SLC35A1: variants seen among roughly 807,000 people sequenced by gnomAD.
SLC35A1 encodes the protein solute carrier family 35 member A1.
Under a neutral mutation model 40.3 loss-of-function variants are expected in SLC35A1, and 21 were observed. That is an observed-to-expected ratio of 0.52 (90% CI 0.37 to 0.75). The LOEUF (loss-of-function observed/expected upper bound fraction) is 0.75, where lower values mean the gene tolerates loss of function less well. SLC35A1 is among the 30% of genes least tolerant of loss of function. The pLI is 0.00. For synonymous variants in SLC35A1, 146 were observed against 147.3 expected (o/e 0.99, Z 0.06); for missense variants, 297 against 382.1 (o/e 0.78, Z 1.86).
At chr6:87,477,642 C>A in intron 2 of SLC35A1, 103 bp downstream of exon 2, 2 of 1,004,648 alleles carry the variant, frequency 2.0e-6, no homozygotes, top group Non-Finnish European at 3.1e-6. Flanking sequence ...TGCTCTGGGT[C>A]AGTGTTTCTC....
rs1770159990 is a variant in SLC35A1 at position 87,508,607 on chromosome 6, AG to A, written c.751+13del. On this transcript the variant is annotated intron_variant, in intron 6 of 7. Transcript: ENST00000369552. ...TCTGGTTTGTCATCTGTAAGTATCC[AG>A]GAATTAAAGGTTCTTAGTAGATCCT... is the stretch of plus-strand genomic sequence containing the variant. The A allele has an allele frequency of 2.5e-6, 4 of 1,604,234 alleles. No homozygotes were observed. The highest frequency in any genetic ancestry group is 3.4e-6 in the Non-Finnish European group (4 of 1,173,020).
intron 4 of SLC35A1, among the ~76,000 whole-genome samples, chr6:87,504,609 GTC>G (rs1361431630): frequency 6.6e-6 from 1 of 152,188 alleles, no homozygotes; most frequent in East Asian, 1.9e-4. Flanking sequence ...TGGAGCACAT[GTC>G]TCTTAACTGT....
chr6:87,479,801 A>G (rs1325485125), intron 2 of SLC35A1, among the ~76,000 whole-genome samples: 9 of 152,208 alleles, frequency 5.9e-5, no homozygotes, highest in African/African-American at 1.7e-4. Context: ...ATTGTGACCC[A>G]CCAAAATATT....
chr6:87,512,291 A>G lies in SLC35A1; in HGVS notation c.*765A>G, dbSNP rs1444820597. The G allele has an allele frequency of 6.5e-6, 1 of 152,686 alleles. No individual in the cohort carries two copies. The highest frequency in any genetic ancestry group is 2.4e-5 in the African/African-American group (1 of 41,460). The allele number at this position is 152,686 out of a possible 1,614,324, so 9.5% of individuals were successfully genotyped here. Reference sequence around the variant, plus strand: ...AATTTGTGAAATTTCAGTGTTTTCTATAATGTTAATGGGGAAATTCAGCAA... The same window carrying G: ...AATTTGTGAAATTTCAGTGTTTTCTGTAATGTTAATGGGGAAATTCAGCAA... On this transcript the variant is annotated 3_prime_UTR_variant, in exon 8 of 8. Coordinates refer to ENST00000369552, the MANE Select transcript of SLC35A1 (RefSeq NM_006416.5).
At position 87,511,659 on chromosome 6, in the gene SLC35A1, C is replaced by A; in HGVS notation, c.*133C>A. The A allele has an allele frequency of 1.0e-6, 1 of 964,366 alleles. No individual in the cohort carries two copies. Among genetic ancestry groups the A allele is most frequent in the Non-Finnish European group, 1.7e-6 (1 of 600,014 alleles). The allele number at this position is 964,366 out of a possible 1,614,324, so 59.7% of individuals were successfully genotyped here. A position where few individuals can be genotyped will look rare whatever the true frequency, so the allele number is the denominator to read the frequency against. On this transcript the variant is annotated 3_prime_UTR_variant, in exon 8 of 8. Coordinates refer to ENST00000369552, the MANE Select transcript of SLC35A1 (RefSeq NM_006416.5). ...CATGATCAGTGCGGTTATGTGGAAA[C>A]AACAACAAACAAACGAAGCTATCTG...
chr6:87,501,487 G>A (rs887986634), intron 4 of SLC35A1, among the ~76,000 whole-genome samples, 177 bp downstream of exon 4: 1 of 152,088 alleles, frequency 6.6e-6, no homozygotes, highest in Non-Finnish European at 1.5e-5. Flanking sequence ...AATACTTATT[G>A]GTTGTTTCTC....
intron 2 of SLC35A1, among the ~76,000 whole-genome samples, chr6:87,498,773 A>AAAAAC (rs1032391922): frequency 2.6e-5 from 4 of 152,320 alleles, no homozygotes; most frequent in Non-Finnish European, 5.9e-5. Context: ...CCGTCTCAAA[A>AAAAAC]AAAACAAAAC....
chr6:87,475,551 C>T (rs189604652), intron 1 of SLC35A1, among the ~76,000 whole-genome samples: 284 of 152,298 alleles, frequency 1.9e-3, no homozygotes, highest in African/African-American at 6.6e-3. Flanking sequence ...ACTATTTCTT[C>T]TGTTTTACTT....
intron 2 of SLC35A1, among the ~76,000 whole-genome samples, chr6:87,478,312 A>G (rs1352265909): frequency 6.6e-6 from 1 of 152,186 alleles, no homozygotes; most frequent in Non-Finnish European, 1.5e-5. Flanking sequence ...TAACCTCTTT[A>G]AGCTTCAGTT....
intron 2 of SLC35A1, among the ~76,000 whole-genome samples, chr6:87,489,370 ATTAT>A (rs903332399): frequency 6.6e-6 from 1 of 151,838 alleles, no homozygotes; most frequent in African/African-American, 2.4e-5. Flanking sequence ...GCAGGAATTG[ATTAT>A]TTCTCGGGAG....
At chr6:87,481,243 C>T (rs994340579) in intron 2 of SLC35A1, among the ~76,000 whole-genome samples, 2 of 152,012 alleles carry the variant, frequency 1.3e-5, no homozygotes, top group Non-Finnish European at 2.9e-5. Flanking sequence ...ATGGAGAAAC[C>T]TTGTCTCTAC....
intron 4 of SLC35A1, among the ~76,000 whole-genome samples, chr6:87,502,157 A>G (rs532976402): frequency 1.3e-5 from 2 of 152,112 alleles, no homozygotes; most frequent in African/African-American, 2.4e-5. Flanking sequence ...GTTTCTTTCT[A>G]TAATATGGTT....
At chr6:87,476,800 C>T (rs191572191) in intron 1 of SLC35A1, among the ~76,000 whole-genome samples, 13 of 148,926 alleles carry the variant, frequency 8.7e-5, no homozygotes, top group African/African-American at 1.5e-4. Context: ...CGGAGGTGGG[C>T]GGATCACTTG....
At chr6:87,506,327 TG>T in intron 4 of SLC35A1, 54 bp from the exon 5 acceptor site, 1 of 1,383,882 alleles carries the variant, frequency 7.2e-7, no homozygotes, top group Non-Finnish European at 1.0e-6. Context: ...TTTGGACTCT[TG>T]GATGAACTCT....
At position 87,509,050 on chromosome 6, in the gene SLC35A1, G is replaced by T; in HGVS notation, c.761G>T (p.Ser254Ile). ...TCTCTCTGTATACAAGTTCTTGCAA[G>T]TGTTGGTGGCCTCTACACTTCTGTT... ...YYVWFVIFLA[S>I]VGGLYTSVVV... The change falls in exon 7 of 8, where the codon AGT (serine) becomes ATT (isoleucine). Residue 254 changes from serine (S) to isoleucine (I), a missense_variant. Transcript: ENST00000369552. 1 of 1,614,084 alleles carries T rather than the reference G, an allele frequency of 6.2e-7. No individual in the cohort carries two copies. The highest frequency in any genetic ancestry group is 8.5e-7 in the Non-Finnish European group (1 of 1,179,944).
chr6:87,489,059 C>T (rs752548383), intron 2 of SLC35A1, among the ~76,000 whole-genome samples: 12 of 152,236 alleles, frequency 7.9e-5, no homozygotes, highest in Non-Finnish European at 1.8e-4. Context: ...GATATCCTAA[C>T]ATTCACATTA....
At chr6:87,476,247 G>A (rs1769066279) in intron 1 of SLC35A1, among the ~76,000 whole-genome samples, 1 of 152,144 alleles carries the variant, frequency 6.6e-6, no homozygotes, top group African/African-American at 2.4e-5. Flanking sequence ...ATGAATTATT[G>A]TTTTGTATAA....
chr6:87,509,165 A>C lies in SLC35A1; in HGVS notation c.876A>C (p.Gly292=). 6.2e-7 allele frequency: 1 copy of C among 1,614,084 alleles called. No homozygotes were observed. The highest frequency in any genetic ancestry group is 1.1e-5 in the South Asian group (1 of 91,086). The part of the protein sequence containing the change: ...LSTIASVMLF[G]LQITLTFALG... ...CCATTGCTTCAGTAATGCTGTTTGG[A>C]TTACAGATAAGTATGTCTTAGTTTG... The change falls in exon 7 of 8, where the codon GGA becomes GGC. Residue 292 remains glycine, a synonymous_variant. Transcript: ENST00000369552.
At chr6:87,496,052 C>T (rs1334708170) in intron 2 of SLC35A1, 2 of 152,238 alleles carry the variant, frequency 1.3e-5, no homozygotes, top group Non-Finnish European at 1.5e-5. Flanking sequence ...TGAGTAACTT[C>T]TGCTGTGTTC....
Sources: allele counts gnomAD v4.1 joint callset (sites outside exome capture counted in the v4.1 genomes callset), GRCh38; gene constraint gnomAD v4.1.1; transcripts MANE v1.5; gene names NCBI Gene and HGNC (gene_info 2026-07-23, HGNC 2026-07-21).